The following IL1RAPL2 variants were observed in gnomAD, a reference collection of about 807,000 sequenced individuals.
IL1RAPL2 encodes interleukin 1 receptor accessory protein like 2.
IL1RAPL2 carries 3 observed loss-of-function variants against 44.1 expected under a neutral mutation model. The observed-to-expected ratio is 0.07, with a 90% CI of 0.03 to 0.18. The LOEUF is 0.18. Ranked by LOEUF, IL1RAPL2 falls within the 10% of genes least tolerant of loss-of-function variation. IL1RAPL2 has a pLI of 1.00. For synonymous variants in IL1RAPL2, 181 were observed against 178.8 expected, an observed-to-expected ratio of 1.01 and a Z score of -0.10; for missense variants, 391 against 496.4, an observed-to-expected ratio of 0.79 and a Z score of 2.02.
chrX:104,622,764 C>T (rs1376681868), intron 1 of IL1RAPL2, among the ~76,000 whole-genome samples: 1 of 111,835 alleles, frequency 8.9e-6, no homozygotes, highest in Non-Finnish European at 1.9e-5. Flanking sequence ...AGTGAGGTTG[C>T]TTATGGGGTA....
At chrX:104,804,953 G>C (rs1293031152) in intron 2 of IL1RAPL2, among the ~76,000 whole-genome samples, 1 of 112,133 alleles carries the variant, frequency 8.9e-6, no homozygotes, top group Non-Finnish European at 1.9e-5. Flanking sequence ...ATTATTATTT[G>C]ACAAATGAAT....
At chrX:104,947,268 T>C (rs1444922795) in intron 2 of IL1RAPL2, among the ~76,000 whole-genome samples, 43 of 107,584 alleles carry the variant, frequency 4.0e-4, no homozygotes, top group African/African-American at 1.2e-3. Context: ...GGGTTGTTTG[T>C]TTTTTTCTTG....
At chrX:104,978,415 A>G (rs953214878) in intron 2 of IL1RAPL2, among the ~76,000 whole-genome samples, 1 of 111,656 alleles carries the variant, frequency 9.0e-6, no homozygotes, top group African/African-American at 3.3e-5. Flanking sequence ...AAAATATTTC[A>G]TAATATACTA....
chrX:105,266,982 G>T (rs1233488931), intron 4 of IL1RAPL2, among the ~76,000 whole-genome samples: 1 of 111,667 alleles, frequency 9.0e-6, no homozygotes. Flanking sequence ...ATACTAAGTG[G>T]CTAAGTGAAC....
At chrX:105,231,304 C>G (rs1239611321) in intron 3 of IL1RAPL2, among the ~76,000 whole-genome samples, 3 of 112,134 alleles carry the variant, frequency 2.7e-5, no homozygotes, top group African/African-American at 9.7e-5. Context: ...TATGCTGCTG[C>G]ACAAAACTTG....
intron 6 of IL1RAPL2, among the ~76,000 whole-genome samples, chrX:105,635,575 T>C (rs1437004180): frequency 9.0e-6 from 1 of 111,707 alleles, no homozygotes; most frequent in Non-Finnish European, 1.9e-5. Context: ...CTTCTGGTAC[T>C]ATGCTAAGCA....
At chrX:104,902,886 G>T (rs1356457906) in intron 2 of IL1RAPL2, among the ~76,000 whole-genome samples, 1 of 111,548 alleles carries the variant, frequency 9.0e-6, no homozygotes, top group Non-Finnish European at 1.9e-5. Flanking sequence ...ATAAATTGTG[G>T]TGTTCTGGGG....
chrX:105,219,126 C>T, intron 3 of IL1RAPL2: 2 of 1,211,371 alleles, frequency 1.7e-6, no homozygotes, highest in South Asian at 3.5e-5. Context: ...CTCTTGGGTG[C>T]TCCTGATGGT....
rs191240854 is a variant in IL1RAPL2, at chrX:104,785,679, T to C, written c.82+126684T>C. On this transcript the variant is annotated intron_variant, in intron 2 of 10. Coordinates refer to ENST00000372582, the MANE Select transcript of IL1RAPL2 (RefSeq NM_017416.2). Reference sequence around the variant, plus strand: ...GCCATTGACTTTATAAGGTGTCCCTTCCTATAGCTCAGCAGTTCTACCTTG... The same window carrying C: ...GCCATTGACTTTATAAGGTGTCCCTCCCTATAGCTCAGCAGTTCTACCTTG... 9.8e-5 allele frequency among the ~76,000 whole-genome samples: 11 copies of C among 111,831 alleles called. No homozygotes were observed. In the East Asian group the frequency reaches 2.3e-3, roughly 23 times the overall value.
chrX:105,669,752 G>A (rs1331756973), intron 6 of IL1RAPL2, among the ~76,000 whole-genome samples: 1 of 109,792 alleles, frequency 9.1e-6, no homozygotes, highest in Admixed American at 9.8e-5. Context: ...CACTTCTATA[G>A]TAACACCCAT....
At chrX:104,913,359 G>C (rs762683242) in intron 2 of IL1RAPL2, among the ~76,000 whole-genome samples, 7 of 111,336 alleles carry the variant, frequency 6.3e-5, no homozygotes, top group Non-Finnish European at 1.1e-4. Context: ...GATGTTTCCT[G>C]ACACTGTGGA....
intron 6 of IL1RAPL2, among the ~76,000 whole-genome samples, chrX:105,673,531 G>GTA (rs1329437980): frequency 1.8e-5 from 2 of 111,791 alleles, no homozygotes; most frequent in Admixed American, 9.5e-5. Flanking sequence ...GTATTCCATG[G>GTA]TATATATATA....
At chrX:104,965,025 C>T (rs940532040) in intron 2 of IL1RAPL2, among the ~76,000 whole-genome samples, 1 of 111,445 alleles carries the variant, frequency 9.0e-6, no homozygotes, top group African/African-American at 3.3e-5. Context: ...TCAGGGAAAA[C>T]AGCCAGAGGC....
At chrX:105,110,956 TAAATAA>T (rs893841228) in intron 2 of IL1RAPL2, among the ~76,000 whole-genome samples, 10 of 111,425 alleles carry the variant, frequency 9.0e-5, no homozygotes, top group East Asian at 2.8e-4. Context: ...AGTAGATAAA[TAAATAA>T]AAATAAAAAT....
At chrX:104,817,809 A>G (rs1297342821) in intron 2 of IL1RAPL2, among the ~76,000 whole-genome samples, 1 of 111,791 alleles carries the variant, frequency 8.9e-6, no homozygotes, top group Non-Finnish European at 1.9e-5. Context: ...GATGTTTAAG[A>G]AAGACTATCT....
intron 2 of IL1RAPL2, among the ~76,000 whole-genome samples, chrX:104,787,852 T>G (rs916661703): frequency 6.2e-5 from 7 of 112,068 alleles, no homozygotes; most frequent in African/African-American, 1.9e-4. Context: ...TTTAAATAAG[T>G]TCCAAAGGAG....
chrX:104,784,213 T>C (rs1228103274), intron 2 of IL1RAPL2, among the ~76,000 whole-genome samples: 1 of 112,285 alleles, frequency 8.9e-6, no homozygotes, highest in African/African-American at 3.2e-5. Context: ...TCAAAGGAAG[T>C]GTTTTCAATT....
intron 2 of IL1RAPL2, among the ~76,000 whole-genome samples, chrX:104,676,359 A>G (rs1930757386): frequency 9.0e-6 from 1 of 110,987 alleles, no homozygotes; most frequent in South Asian, 3.8e-4. Context: ...TCACTTATGA[A>G]GCTTAGTTTG....
intron 5 of IL1RAPL2, among the ~76,000 whole-genome samples, chrX:105,417,333 T>G (rs1174961212): frequency 9.0e-6 from 1 of 111,422 alleles, no homozygotes; most frequent in Non-Finnish European, 1.9e-5. Flanking sequence ...ATTAGCTGGG[T>G]GTGGTGGCGT....
Sources: gnomAD v4.1 joint callset for allele counts (sites outside exome capture counted in the v4.1 genomes callset) on GRCh38, gnomAD v4.1.1 for gene constraint, MANE v1.5 for transcripts, NCBI Gene and HGNC (gene_info 2026-07-23, HGNC 2026-07-21) for gene names.